Variants in STOX2 observed in about 807,000 individuals in gnomAD.
STOX2 encodes the protein storkhead-box protein 2.
STOX2 carries 28 observed loss-of-function variants against 60.9 expected under a neutral mutation model. The ratio of observed to expected loss-of-function variants is 0.46; its 90% CI spans 0.34 to 0.63. The LOEUF (loss-of-function observed/expected upper bound fraction) is 0.63, where lower values mean the gene tolerates loss of function less well. Among genes scored for constraint, STOX2 ranks in the 30% least tolerant of loss-of-function variants. The pLI, the probability that STOX2 is intolerant of heterozygous loss-of-function variation, is 0.01. For missense variants in STOX2, 1,024 were observed against 1,187.7 expected, an observed-to-expected ratio of 0.86 and a Z score of 2.03; for synonymous variants, 472 against 463.9, an observed-to-expected ratio of 1.02 and a Z score of -0.22.
chr4:183,945,242 A>G (rs1271149226), intron 1 of STOX2, among the ~76,000 whole-genome samples: 1 of 152,174 alleles, frequency 6.6e-6, no homozygotes. Context: ...AATTTCTCCA[A>G]AAAGGGAACG....
At chr4:183,835,737 C>G (rs1331387502) in intron 1 of STOX2, among the ~76,000 whole-genome samples, 7 of 152,172 alleles carry the variant, frequency 4.6e-5, no homozygotes, top group African/African-American at 1.7e-4. Flanking sequence ...GTCACACCTC[C>G]CTGTAGACCT....
intron 1 of STOX2, among the ~76,000 whole-genome samples, chr4:183,925,174 T>C (rs1483958557): frequency 6.6e-6 from 1 of 152,184 alleles, no homozygotes; most frequent in East Asian, 1.9e-4. Context: ...TTGTTCCTAG[T>C]GAAACAGAGG....
At chr4:183,812,556 AC>A (rs1464772856) in intron 1 of STOX2, among the ~76,000 whole-genome samples, 2 of 152,236 alleles carry the variant, frequency 1.3e-5, no homozygotes, top group African/African-American at 4.8e-5. Context: ...AATATGCATT[AC>A]AGTTGTTTCT....
At chr4:183,857,265 T>C (rs1312019725) in intron 1 of STOX2, among the ~76,000 whole-genome samples, 7 of 122,648 alleles carry the variant, frequency 5.7e-5, no homozygotes, top group African/African-American at 1.7e-4. Context: ...CTGGTTATCC[T>C]GCAGGACTGG....
At chr4:183,932,654 G>A (rs1485663871) in intron 1 of STOX2, among the ~76,000 whole-genome samples, 1 of 152,030 alleles carries the variant, frequency 6.6e-6, no homozygotes, top group Non-Finnish European at 1.5e-5. Context: ...TGAGCACCTA[G>A]ACTTGCTGTG....
At chr4:183,887,889 G>GTA (rs1741119471) in intron 1 of STOX2, among the ~76,000 whole-genome samples, 1 of 152,138 alleles carries the variant, frequency 6.6e-6, no homozygotes, top group Non-Finnish European at 1.5e-5. Flanking sequence ...GACTATAAGT[G>GTA]TATACCACCA....
chr4:183,862,552 C>T (rs1740472746), intron 1 of STOX2, among the ~76,000 whole-genome samples: 1 of 152,204 alleles, frequency 6.6e-6, no homozygotes, highest in South Asian at 2.1e-4. Context: ...GAAGGCCCTT[C>T]TGAAGAAGTG....
intron 1 of STOX2, among the ~76,000 whole-genome samples, chr4:183,969,023 T>C (rs1368041030): frequency 6.6e-6 from 1 of 152,224 alleles, no homozygotes; most frequent in Non-Finnish European, 1.5e-5. Flanking sequence ...TCATCAATTG[T>C]TTGTTCTTAA....
chr4:183,920,388 G>T (rs1742067832), intron 1 of STOX2, among the ~76,000 whole-genome samples: 2 of 152,306 alleles, frequency 1.3e-5, no homozygotes, highest in East Asian at 1.9e-4. Flanking sequence ...GATTACAGGT[G>T]TGAGTCACCA....
At chr4:183,994,160 G>T (rs1579518930) in intron 1 of STOX2, among the ~76,000 whole-genome samples, 2 of 152,200 alleles carry the variant, frequency 1.3e-5, no homozygotes, top group East Asian at 3.8e-4. Context: ...CTTGGCGAAA[G>T]AATCGTTTTC....
chr4:183,950,704 G>C (rs1471806281), intron 1 of STOX2, among the ~76,000 whole-genome samples: 2 of 152,272 alleles, frequency 1.3e-5, no homozygotes, highest in Admixed American at 6.5e-5. Context: ...CTCACAGCCT[G>C]CTGGGGACTC....
At position 183,998,978 on chromosome 4, in the gene STOX2, A is replaced by G. The variant is rs555218677; in HGVS notation, c.167-2347A>G. Among the ~76,000 whole-genome samples, 818 of 152,268 alleles carry G rather than the reference A, an allele frequency of 5.4e-3. 3 individuals carry two copies. Among genetic ancestry groups the G allele is most frequent in the Non-Finnish European group, 9.5e-3 (645 of 68,016 alleles). The stretch of plus-strand genomic sequence containing the variant: ...GAGGTAGGAGGATCTCTTGAGTTCA[A>G]GGTTGCAGTGAGCTATGATTGTGCC... On this transcript the variant is annotated intron_variant, in intron 1 of 3. Coordinates refer to ENST00000308497, the MANE Select transcript of STOX2 (RefSeq NM_020225.3).
intron 1 of STOX2, among the ~76,000 whole-genome samples, chr4:183,801,643 C>T (rs1045711579): frequency 6.6e-6 from 1 of 152,098 alleles, no homozygotes; most frequent in African/African-American, 2.4e-5. Flanking sequence ...GGCGGGAGTT[C>T]CTGCAGAGCA....
intron 1 of STOX2, among the ~76,000 whole-genome samples, chr4:183,815,888 A>AT (rs955438240): frequency 3.9e-5 from 6 of 152,244 alleles, no homozygotes; most frequent in African/African-American, 1.2e-4. Context: ...TTGTGTGTGT[A>AT]TTTTTTTAAA....
At chr4:184,005,282 A>C (rs1280261932) in intron 2 of STOX2, among the ~76,000 whole-genome samples, 3 of 152,206 alleles carry the variant, frequency 2.0e-5, no homozygotes, top group African/African-American at 7.2e-5. Context: ...CAACATGACG[A>C]AACCTTGTCT....
chr4:183,935,549 C>T (rs1742567780), intron 1 of STOX2, among the ~76,000 whole-genome samples: 1 of 152,218 alleles, frequency 6.6e-6, no homozygotes, highest in African/African-American at 2.4e-5. Context: ...CCCAGGGGCC[C>T]AGCAGTTTGG....
chr4:183,898,477 T>C (rs1241415985), intron 1 of STOX2, among the ~76,000 whole-genome samples: 1 of 152,124 alleles, frequency 6.6e-6, no homozygotes, highest in Non-Finnish European at 1.5e-5. Context: ...AGATATTCAG[T>C]TGACAGTAGG....
intron 1 of STOX2, among the ~76,000 whole-genome samples, chr4:183,880,768 GAAC>G (rs1238700013): frequency 6.6e-6 from 1 of 152,128 alleles, no homozygotes; most frequent in Non-Finnish European, 1.5e-5. Flanking sequence ...TTTACAATTT[GAAC>G]AACCAACATG....
chr4:183,803,693 TG>T (rs749928150), intron 1 of STOX2, among the ~76,000 whole-genome samples: 6 of 152,196 alleles, frequency 3.9e-5, no homozygotes, highest in Non-Finnish European at 7.3e-5. Context: ...CTGGGCGTAG[TG>T]GCTCACACCT....
Sources: allele counts gnomAD v4.1 joint callset (sites outside exome capture counted in the v4.1 genomes callset), GRCh38; gene constraint gnomAD v4.1.1; transcripts MANE v1.5; gene names NCBI Gene and HGNC (gene_info 2026-07-23, HGNC 2026-07-21).